Variants in CHST9 observed in about 807,000 individuals in gnomAD.
CHST9 encodes the protein carbohydrate sulfotransferase 9.
A neutral mutation model predicts 44.4 loss-of-function variants in CHST9; 41 were observed. The observed-to-expected ratio is 0.92, with a 90% CI of 0.72 to 1.20. The LOEUF (loss-of-function observed/expected upper bound fraction) is 1.20, where lower values mean the gene tolerates loss of function less well. CHST9 is among the 50% of genes most tolerant of loss of function. The pLI, the probability that CHST9 is intolerant of heterozygous loss-of-function variation, is 0.00. For synonymous variants in CHST9, 171 were observed against 178.4 expected, an observed-to-expected ratio of 0.96 and a Z score of 0.33; for missense variants, 504 against 516.5, an observed-to-expected ratio of 0.98 and a Z score of 0.23.
Position 26,912,094 on chromosome 18 carries a change from C to CAG in CHST9, c.*4164_*4165insCT, listed in dbSNP as rs1206017749. On this transcript the variant is annotated 3_prime_UTR_variant, in exon 6 of 6. Coordinates refer to ENST00000618847, the MANE Select transcript of CHST9 (RefSeq NM_031422.6). ...GTCAGGGGCCTATGTGTGGAAAGTT[C>CAG]GCCTGAACTTTCTTCCTCTTAGATT... 1 of 152,098 alleles carries CAG rather than the reference C, an allele frequency of 6.6e-6. No homozygotes were observed. Among genetic ancestry groups the CAG allele is most frequent in the Non-Finnish European group, 1.5e-5 (1 of 68,042 alleles). The allele number at this position is 152,098 out of a possible 1,614,324, so 9.4% of individuals were successfully genotyped here. A position where few individuals can be genotyped will look rare whatever the true frequency, so the allele number is the denominator to read the frequency against.
At chr18:27,066,490 A>AT (rs2057783777) in intron 2 of CHST9, among the ~76,000 whole-genome samples, 1 of 152,152 alleles carries the variant, frequency 6.6e-6, no homozygotes, top group African/African-American at 2.4e-5. Flanking sequence ...CAGGGTTTCC[A>AT]TTTGTTGCCC....
intron 3 of CHST9, among the ~76,000 whole-genome samples, chr18:27,031,255 C>T (rs965811204): frequency 1.3e-5 from 2 of 152,198 alleles, no homozygotes; most frequent in Non-Finnish European, 2.9e-5. Context: ...CCCATTGTTG[C>T]CTCAAGTGCA....
intron 4 of CHST9, among the ~76,000 whole-genome samples, chr18:27,006,853 C>T (rs2057022783): frequency 6.6e-6 from 1 of 152,182 alleles, no homozygotes; most frequent in Non-Finnish European, 1.5e-5. Context: ...GTAAACTAGA[C>T]ACTGGTGAAT....
chr18:27,159,381 C>G (rs1262431957), intron 1 of CHST9, among the ~76,000 whole-genome samples: 1 of 152,140 alleles, frequency 6.6e-6, no homozygotes, highest in Non-Finnish European at 1.5e-5. Flanking sequence ...TTCCCCATTT[C>G]TTGTTTTTGT....
chr18:27,049,086 G>A (rs1425860316), intron 2 of CHST9, among the ~76,000 whole-genome samples: 1 of 152,118 alleles, frequency 6.6e-6, no homozygotes, highest in Admixed American at 6.6e-5. Flanking sequence ...AATGGACAGG[G>A]TATTTGCGCA....
At chr18:27,018,177 A>G (rs149211541) in intron 4 of CHST9, among the ~76,000 whole-genome samples, 2 of 152,212 alleles carry the variant, frequency 1.3e-5, no homozygotes, top group African/African-American at 2.4e-5. Context: ...CAAGGCCCCA[A>G]AAATTGACTT....
Position 27,142,875 on chromosome 18 carries a change from G to T in CHST9, c.-66C>A. The T allele has an allele frequency of 1.3e-6, 2 of 1,491,466 alleles. No homozygotes were observed. Among genetic ancestry groups the T allele is most frequent in the Admixed American group, 2.1e-5 (1 of 47,358 alleles). The allele number at this position is 1,491,466 out of a possible 1,614,324, so 92.4% of individuals were successfully genotyped here. ...TCCCGTAAAACTTCAGTCTTTTCTTGTTCTCTAAGAGCCCAATTCCATAAA... is the reference window on the plus strand; with the variant it reads ...TCCCGTAAAACTTCAGTCTTTTCTTTTTCTCTAAGAGCCCAATTCCATAAA... On this transcript the variant is annotated 5_prime_UTR_variant, in exon 2 of 6. Coordinates refer to ENST00000618847, the MANE Select transcript of CHST9 (RefSeq NM_031422.6).
intron 1 of CHST9, among the ~76,000 whole-genome samples, chr18:27,159,626 T>C (rs2058729338): frequency 6.6e-6 from 1 of 152,180 alleles, no homozygotes. Flanking sequence ...TTTAAAGCAG[T>C]TTTTTCCAAT....
intron 3 of CHST9, among the ~76,000 whole-genome samples, chr18:27,035,503 A>G (rs2057381651): frequency 6.6e-6 from 1 of 152,086 alleles, no homozygotes; most frequent in Non-Finnish European, 1.5e-5. Context: ...TGTGTATTCC[A>G]TTGTTTATGT....
At chr18:27,138,426 A>G (rs1157550450) in intron 2 of CHST9, among the ~76,000 whole-genome samples, 1 of 152,108 alleles carries the variant, frequency 6.6e-6, no homozygotes, top group Admixed American at 6.6e-5. Flanking sequence ...GCCAGCTTCT[A>G]CATTAGGAAC....
chr18:27,101,483 C>T (rs1278560868), intron 2 of CHST9, among the ~76,000 whole-genome samples: 1 of 114,510 alleles, frequency 8.7e-6, no homozygotes, highest in Non-Finnish European at 1.7e-5. Context: ...GTCCCAGCTA[C>T]TGGCGGGGGT....
chr18:26,962,409 G>A (rs546811179), intron 4 of CHST9, among the ~76,000 whole-genome samples: 59 of 151,456 alleles, frequency 3.9e-4, no homozygotes, highest in African/African-American at 1.3e-3. Context: ...TCCTGCCTCA[G>A]CCTCCTAAGT....
At chr18:27,131,419 C>T (rs1460912276) in intron 2 of CHST9, among the ~76,000 whole-genome samples, 5 of 152,164 alleles carry the variant, frequency 3.3e-5, no homozygotes, top group South Asian at 2.1e-4. Flanking sequence ...GGCGTGGTGG[C>T]GCACGCCTGT....
chr18:26,922,643 T>TTATG (rs2055680174), intron 5 of CHST9, among the ~76,000 whole-genome samples: 1 of 151,854 alleles, frequency 6.6e-6, no homozygotes, highest in African/African-American at 2.4e-5. Context: ...ATTTATTTAT[T>TTATG]TATTTATTTT....
At chr18:27,001,095 TA>T (rs2056947069) in intron 4 of CHST9, among the ~76,000 whole-genome samples, 1 of 152,104 alleles carries the variant, frequency 6.6e-6, no homozygotes, top group Non-Finnish European at 1.5e-5. Flanking sequence ...ACTAACTCCC[TA>T]GGGGAATTGG....
chr18:26,943,945 A>C (rs1266817280), intron 5 of CHST9, among the ~76,000 whole-genome samples: 1 of 152,180 alleles, frequency 6.6e-6, no homozygotes, highest in East Asian at 1.9e-4. Flanking sequence ...AGCTGATTGA[A>C]CGAAAACCTG....
At chr18:27,074,832 A>G (rs1170915504) in intron 2 of CHST9, among the ~76,000 whole-genome samples, 1 of 148,058 alleles carries the variant, frequency 6.8e-6, no homozygotes, top group African/African-American at 2.4e-5. Flanking sequence ...TATAAAATAT[A>G]CATTATAATT....
intron 2 of CHST9, among the ~76,000 whole-genome samples, chr18:27,064,465 A>G (rs1220012370): frequency 6.6e-6 from 1 of 152,196 alleles, no homozygotes; most frequent in Non-Finnish European, 1.5e-5. Context: ...TTGAGCTATA[A>G]GCAAAAATGG....
At chr18:27,098,795 A>T (rs1214460760) in intron 2 of CHST9, among the ~76,000 whole-genome samples, 2 of 151,458 alleles carry the variant, frequency 1.3e-5, no homozygotes, top group East Asian at 3.9e-4. Flanking sequence ...CACTATTCCT[A>T]TCAAACTACC....
Sources: gnomAD v4.1 joint callset for allele counts (sites outside exome capture counted in the v4.1 genomes callset) on GRCh38, gnomAD v4.1.1 for gene constraint, MANE v1.5 for transcripts, NCBI Gene and HGNC (gene_info 2026-07-23, HGNC 2026-07-21) for gene names.